IQCM: variants seen among roughly 807,000 people sequenced by gnomAD.
IQCM encodes IQ domain-containing protein M.
A neutral mutation model predicts 57.6 loss-of-function variants in IQCM; 45 were observed. That is an observed-to-expected ratio of 0.78 (90% CI 0.62 to 1.00). IQCM has a LOEUF of 1.00. IQCM is among the 50% of genes least tolerant of loss of function. The probability of loss-of-function intolerance (pLI) is 0.00; values close to 1 mark genes in which losing one functional copy is unlikely to be tolerated. For missense variants in IQCM, 468 were observed against 511.6 expected, an observed-to-expected ratio of 0.91 and a Z score of 0.82; for synonymous variants, 148 against 158.9, an observed-to-expected ratio of 0.93 and a Z score of 0.51.
intron 7 of IQCM, among the ~76,000 whole-genome samples, chr4:149,659,280 C>T (rs562518059): frequency 2.6e-4 from 39 of 151,948 alleles, no homozygotes; most frequent in African/African-American, 3.9e-4. Context: ...TTACAAGGGA[C>T]GTGAAGGACC....
intron 12 of IQCM, among the ~76,000 whole-genome samples, chr4:149,471,182 T>C (rs1217813947): frequency 6.6e-6 from 1 of 152,162 alleles, no homozygotes; most frequent in Non-Finnish European, 1.5e-5. Flanking sequence ...ATCCAGGAGC[T>C]GGTTTTTTGA....
chr4:149,653,900 A>G (rs1486750601), intron 7 of IQCM, among the ~76,000 whole-genome samples: 2 of 152,140 alleles, frequency 1.3e-5, no homozygotes, highest in Non-Finnish European at 2.9e-5. Flanking sequence ...TGGGAAAAAA[A>G]TGTACTATAT....
At chr4:149,617,831 A>G (rs1471115586) in intron 8 of IQCM, among the ~76,000 whole-genome samples, 2 of 152,178 alleles carry the variant, frequency 1.3e-5, no homozygotes. Context: ...GGACAACTAA[A>G]AAATTCTGAT....
chr4:149,522,619 A>G (rs1447956980), intron 12 of IQCM, among the ~76,000 whole-genome samples: 1 of 152,138 alleles, frequency 6.6e-6, no homozygotes, highest in Non-Finnish European at 1.5e-5. Context: ...ATAGAGGGGG[A>G]AAAAGTGGGG....
chr4:149,363,252 GT>G (rs1729614793), intron 13 of IQCM, among the ~76,000 whole-genome samples: 1 of 152,182 alleles, frequency 6.6e-6, no homozygotes, highest in Non-Finnish European at 1.5e-5. Flanking sequence ...ACAGGTGTCA[GT>G]GGCAACAGCA....
intron 13 of IQCM, among the ~76,000 whole-genome samples, chr4:149,363,258 A>G (rs1729615136): frequency 6.6e-6 from 1 of 152,182 alleles, no homozygotes; most frequent in Non-Finnish European, 1.5e-5. Flanking sequence ...GTCAGTGGCA[A>G]CAGCAGCAGC....
intron 2 of IQCM, among the ~76,000 whole-genome samples, chr4:149,805,075 T>C (rs1773947677): frequency 6.6e-6 from 1 of 152,080 alleles, no homozygotes; most frequent in South Asian, 2.1e-4. Context: ...TTTGTACCAT[T>C]CATAAAGCTG....
intron 12 of IQCM, among the ~76,000 whole-genome samples, chr4:149,458,481 T>C (rs1369482241): frequency 6.6e-6 from 1 of 152,094 alleles, no homozygotes; most frequent in Non-Finnish European, 1.5e-5. Context: ...CTCTAAAGTA[T>C]AAGATTATTC....
chr4:149,563,296 G>T (rs1437708324), intron 10 of IQCM, among the ~76,000 whole-genome samples: 1 of 152,162 alleles, frequency 6.6e-6, no homozygotes, highest in Admixed American at 6.5e-5. Context: ...AAATATCCTT[G>T]TTTAAGAATA....
At chr4:149,575,141 G>C (rs528786408) in intron 9 of IQCM, among the ~76,000 whole-genome samples, 2 of 152,042 alleles carry the variant, frequency 1.3e-5, no homozygotes, top group Admixed American at 1.3e-4. Flanking sequence ...GTGCAGCCTT[G>C]AAGTAGAAAC....
chr4:149,700,695 C>T (rs570094543), intron 5 of IQCM, among the ~76,000 whole-genome samples: 290 of 152,090 alleles, frequency 1.9e-3, no homozygotes, highest in Non-Finnish European at 2.6e-3. Flanking sequence ...GCTGCCTGAC[C>T]GCTTGCCTTG....
chr4:149,626,906 G>A (rs1756862745), intron 7 of IQCM, among the ~76,000 whole-genome samples: 1 of 151,934 alleles, frequency 6.6e-6, no homozygotes, highest in African/African-American at 2.4e-5. Context: ...ATGGTAGAAA[G>A]ATGCTTAATA....
chr4:149,611,802 A>T (rs1410267790), intron 8 of IQCM, among the ~76,000 whole-genome samples: 1 of 152,044 alleles, frequency 6.6e-6, no homozygotes, highest in Non-Finnish European at 1.5e-5. Context: ...GTTAACTATG[A>T]TTTATTGTAT....
chr4:149,635,061 A>T (rs1461358183), intron 7 of IQCM, among the ~76,000 whole-genome samples: 1 of 152,210 alleles, frequency 6.6e-6, no homozygotes, highest in Non-Finnish European at 1.5e-5. Flanking sequence ...TCCAAAATGC[A>T]CAAACTTTTC....
At chr4:149,384,570 T>C (rs555407909) in intron 13 of IQCM, among the ~76,000 whole-genome samples, 3 of 152,254 alleles carry the variant, frequency 2.0e-5, no homozygotes, top group South Asian at 4.1e-4. Flanking sequence ...AGGCTAAACC[T>C]CTTTTACTTT....
At chr4:149,675,806 A>G (rs1045198904) in intron 7 of IQCM, among the ~76,000 whole-genome samples, 7 of 151,952 alleles carry the variant, frequency 4.6e-5, no homozygotes, top group Non-Finnish European at 8.8e-5. Context: ...TCTCCTGCCA[A>G]TGACTATGTA....
At chr4:149,685,215 A>G (rs150204955) in intron 6 of IQCM, among the ~76,000 whole-genome samples, 2,609 of 151,628 alleles carry the variant, frequency 0.017, 79 homozygotes, top group African/African-American at 0.06. Context: ...TTTTCAAATC[A>G]GTTAACCTTT....
intron 2 of IQCM, among the ~76,000 whole-genome samples, chr4:149,770,990 G>T (rs1207005071): frequency 6.6e-6 from 1 of 152,004 alleles, no homozygotes; most frequent in Non-Finnish European, 1.5e-5. Context: ...AAGGAAAATT[G>T]TCTTTATATG....
intron 7 of IQCM, among the ~76,000 whole-genome samples, chr4:149,676,299 T>C (rs969068595): frequency 6.6e-6 from 1 of 152,112 alleles, no homozygotes; most frequent in Non-Finnish European, 1.5e-5. Flanking sequence ...CACAATGTGA[T>C]AGCGAAAGTC....
Sources: gnomAD v4.1 joint callset for allele counts (sites outside exome capture counted in the v4.1 genomes callset) on GRCh38, gnomAD v4.1.1 for gene constraint, MANE v1.5 for transcripts, NCBI Gene and HGNC (gene_info 2026-07-23, HGNC 2026-07-21) for gene names.